CELF5: variants seen among roughly 807,000 people sequenced by gnomAD.
CELF5 encodes the protein CUG-BP and ETR-3 like factor 5.
In CELF5, 6 loss-of-function variants were observed where a neutral mutation model predicts 54.9. The ratio of observed to expected loss-of-function variants is 0.11; its 90% confidence interval spans 0.06 to 0.22. The LOEUF is 0.22. Ranked by LOEUF, CELF5 falls within the 10% of genes least tolerant of loss-of-function variation. The pLI is 1.00. For missense variants in CELF5, 401 were observed against 678.6 expected (o/e 0.59, Z 4.54); for synonymous variants, 271 against 290.9 (o/e 0.93, Z 0.70).
chr19:3,244,873 GTGTA>G (rs377013041), intron 1 of CELF5, among the ~76,000 whole-genome samples: 7 of 150,062 alleles, frequency 4.7e-5, no homozygotes, highest in Admixed American at 2.7e-4. Context: ...TGTGTGGTGT[GTGTA>G]TGTGTCTTGT....
rs113436630 is a variant in CELF5 at position 3,246,359 on chromosome 19, GTCTC to G, written c.260-4608_260-4605del. Among the ~76,000 whole-genome samples, 258 of 146,908 alleles carry G rather than the reference GTCTC, an allele frequency of 1.8e-3. 1 individual carries two copies. The highest frequency in any genetic ancestry group is 5.8e-3 in the African/African-American group (231 of 39,944). On this transcript the variant is annotated intron_variant, in intron 1 of 12. Coordinates refer to ENST00000292672, the MANE Select transcript of CELF5 (RefSeq NM_021938.4). ...AGCCTGGGCGATAGATTGAGACTCA[GTCTC>G]TCTCTCTCTCTCTCTCTGGCTCTCT...
At chr19:3,248,855 T>TTCCC (rs1298672878) in intron 1 of CELF5, among the ~76,000 whole-genome samples, 2 of 58,806 alleles carry the variant, frequency 3.4e-5, no homozygotes, top group Admixed American at 2.6e-4. Flanking sequence ...TCTTTCTTTC[T>TTCCC]TCCTTCCTTC....
In CELF5 at chr19:3,228,699, G is replaced by A. The variant is rs866340018; in HGVS notation, c.259+3701G>A. On this transcript the variant is annotated intron_variant, in intron 1 of 12. Coordinates refer to ENST00000292672, the MANE Select transcript of CELF5 (RefSeq NM_021938.4). This position sits in a 1 kb window ranked among gnomAD's most constrained non-coding sequence, Gnocchi z 6.0. ...CTGCCGGCTCGACTCGGGAGGGGGG[G>A]AGGAGGAGGCTGTAGCAGGCTGAGC... Among the ~76,000 whole-genome samples the A allele has an allele frequency of 2.4e-4, 36 of 151,732 alleles. 1 individual carries two copies. Among genetic ancestry groups the A allele is most frequent in the South Asian group, 6.2e-4 (3 of 4,804 alleles).
chr19:3,273,883 A>T lies in CELF5; in HGVS notation c.354A>T (p.Pro118=), dbSNP rs2080005578. The T allele has an allele frequency of 1.2e-6, 2 of 1,611,698 alleles. No individual in the cohort carries two copies. The highest frequency in any genetic ancestry group is 3.3e-5 in the Admixed American group (2 of 59,916). ...CCCTCTCTCTGCAGATGGCGCGGCC[A>T]ATCCAGGTGAAGCCTGCGGACAGTG... ...EQKTLPGMAR[P]IQVKPADSES... Residue 118 remains proline (P), a synonymous_variant, in exon 3 of 13, where the codon CCA becomes CCT. Transcript: ENST00000292672.
In CELF5 at chr19:3,228,514, C is replaced by T. The variant is rs1490440874; in HGVS notation, c.259+3516C>T. On this transcript the variant is annotated intron_variant, in intron 1 of 12. Coordinates refer to ENST00000292672, the MANE Select transcript of CELF5 (RefSeq NM_021938.4). This position sits in a 1 kb window ranked among gnomAD's most constrained non-coding sequence, Gnocchi z 6.0. ...GGTGCCCACGGTGGTACTGGTCCGC[C>T]GCTGCCACTGGGCCCCCCGTTTATG... 6.6e-6 allele frequency among the ~76,000 whole-genome samples: 1 copy of T among 152,142 alleles called. No homozygotes were observed. The highest frequency in any genetic ancestry group is 1.5e-5 in the Non-Finnish European group (1 of 68,022).
chr19:3,225,525 C>G, intron 1 of CELF5: 1 of 954,198 alleles, frequency 1.0e-6, no homozygotes. Context: ...TTTGCACCTG[C>G]GGACTCCATT....
chr19:3,232,144 T>A (rs1386750174), intron 1 of CELF5, among the ~76,000 whole-genome samples: 2 of 152,206 alleles, frequency 1.3e-5, no homozygotes, highest in Non-Finnish European at 2.9e-5. Context: ...GCTCCATTTT[T>A]AAATTTCTGT....
At chr19:3,239,242 G>A (rs563558119) in intron 1 of CELF5, among the ~76,000 whole-genome samples, 3 of 151,424 alleles carry the variant, frequency 2.0e-5, no homozygotes, top group African/African-American at 7.3e-5. Flanking sequence ...TGGAACTACA[G>A]GTGTGAACCA....
chr19:3,241,927 G>A (rs577477006), intron 1 of CELF5, among the ~76,000 whole-genome samples: 8 of 152,098 alleles, frequency 5.3e-5, no homozygotes, highest in East Asian at 1.9e-4. Context: ...GGCGCGCGCC[G>A]CCACGCCCAG....
intron 1 of CELF5, among the ~76,000 whole-genome samples, chr19:3,247,285 C>T (rs1342782578): frequency 6.6e-6 from 1 of 152,102 alleles, no homozygotes; most frequent in Non-Finnish European, 1.5e-5. Flanking sequence ...TGCCACCACG[C>T]CCGACTAATT....
At chr19:3,242,887 C>A (rs774235795) in intron 1 of CELF5, among the ~76,000 whole-genome samples, 2 of 152,022 alleles carry the variant, frequency 1.3e-5, no homozygotes, top group East Asian at 1.9e-4. Context: ...TCATTTGAAC[C>A]TGGGAGGTGG....
At chr19:3,255,566 G>A (rs114609696) in intron 2 of CELF5, among the ~76,000 whole-genome samples, 1 of 151,830 alleles carries the variant, frequency 6.6e-6, no homozygotes, top group Non-Finnish European at 1.5e-5. Context: ...CTCGCCCCCA[G>A]AGCTCATGGC....
Position 3,275,923 on chromosome 19 carries a change from C to T in CELF5, c.462C>T (p.Phe154=), listed in dbSNP as rs765746145. Residue 154 remains phenylalanine (F), a synonymous_variant, in exon 4 of 13, where the codon TTC becomes TTT. Coordinates refer to ENST00000292672, the MANE Select transcript of CELF5 (RefSeq NM_021938.4). The surrounding 1 kb of genome is among the most constrained non-coding windows in gnomAD (Gnocchi z 6.7). ...CGGAGGAGGACGTGCTGCGGCTGTT[C>T]CAGCCCTTCGGGGTCATTGACGAGT... is the stretch of plus-strand genomic sequence containing the variant. The part of the protein sequence containing the change: ...QQSEEDVLRL[F]QPFGVIDECT... 1 of 1,612,256 alleles carries T rather than the reference C, an allele frequency of 6.2e-7. No homozygotes were observed. The highest frequency in any genetic ancestry group is 8.5e-7 in the Non-Finnish European group (1 of 1,179,570).
At chr19:3,255,275 C>G (rs529303646) in intron 2 of CELF5, among the ~76,000 whole-genome samples, 1 of 152,256 alleles carries the variant, frequency 6.6e-6, no homozygotes, top group East Asian at 1.9e-4. Flanking sequence ...ACTTCTGCCT[C>G]GCGGGTTCAA....
intron 11 of CELF5, among the ~76,000 whole-genome samples, chr19:3,292,305 T>G (rs922349987): frequency 2.4e-4 from 8 of 33,944 alleles, no homozygotes; most frequent in African/African-American, 5.7e-4. Flanking sequence ...TTGACTTTGT[T>G]TTTTTTTTTT....
rs2079911987 is a variant in CELF5 at position 3,268,335 on chromosome 19, G to T, written c.343-5537G>T. Among the ~76,000 whole-genome samples, 1 of 152,164 alleles carries T rather than the reference G, an allele frequency of 6.6e-6. No individual in the cohort carries two copies. The highest frequency in any genetic ancestry group is 6.5e-5 in the Admixed American group (1 of 15,282). ...AGAAGTGTTTGGAGGACTCTGTAAGGTGAGGCCTGTCAGGTGCTGAACGCA... is the reference window on the plus strand; with the variant it reads ...AGAAGTGTTTGGAGGACTCTGTAAGTTGAGGCCTGTCAGGTGCTGAACGCA... On this transcript the variant is annotated intron_variant, in intron 2 of 12. Transcript: ENST00000292672. The surrounding 1 kb of genome is among the most constrained non-coding windows in gnomAD (Gnocchi z 4.4).
Position 3,228,376 on chromosome 19 carries a change from C to A in CELF5, c.259+3378C>A, listed in dbSNP as rs931116168. On this transcript the variant is annotated intron_variant, in intron 1 of 12. Transcript: ENST00000292672. This position sits in a 1 kb window ranked among gnomAD's most constrained non-coding sequence, Gnocchi z 6.0. ...AGGCTGGGATTGGGGCTCCCGCTGG[C>A]CCCCCTGCAGTTCCTGCCCCGGGGA... Among the ~76,000 whole-genome samples the A allele has an allele frequency of 4.6e-5, 7 of 152,172 alleles. No individual in the cohort carries two copies. Among genetic ancestry groups the A allele is most frequent in the Admixed American group, 3.9e-4 (6 of 15,286 alleles).
chr19:3,230,034 G>T lies in CELF5; in HGVS notation c.259+5036G>T, dbSNP rs1043023391. ...TCTCTCTCTTTCACCCCTCAAATTG[G>T]CAAGTGAGGCCTTGGCCATTGGAAA... is the stretch of plus-strand genomic sequence containing the variant. On this transcript the variant is annotated intron_variant, in intron 1 of 12. Transcript: ENST00000292672. Among the ~76,000 whole-genome samples, 15 of 152,300 alleles carry T rather than the reference G, an allele frequency of 9.8e-5. No individual in the cohort carries two copies. In the East Asian group the frequency reaches 2.9e-3, roughly 29 times the overall value.
chr19:3,281,410 G>T lies in CELF5; in HGVS notation c.750+65G>T, dbSNP rs1196508055. 1.3e-6 allele frequency: 2 copies of T among 1,531,102 alleles called. No individual in the cohort carries two copies. The highest frequency in any genetic ancestry group is 1.8e-6 in the Non-Finnish European group (2 of 1,131,402). 94.8% of individuals were successfully genotyped at this position (1,531,102 alleles called of 1,614,324 possible). On this transcript the variant is annotated intron_variant, in intron 6 of 12. Coordinates refer to ENST00000292672, the MANE Select transcript of CELF5 (RefSeq NM_021938.4). This position sits in a 1 kb window ranked among gnomAD's most constrained non-coding sequence, Gnocchi z 6.5. ...CTCTCTCAGTCTCTGTCTACTCTCT[G>T]TCGGGCTCCTGCCTCTCCCTCCATC...
Sources: allele counts gnomAD v4.1 joint callset (sites outside exome capture counted in the v4.1 genomes callset), GRCh38; gene constraint gnomAD v4.1.1; non-coding constraint Gnocchi (gnomAD v3.1); transcripts MANE v1.5; gene names NCBI Gene and HGNC (gene_info 2026-07-23, HGNC 2026-07-21).